AMPD3: variants seen among roughly 807,000 people sequenced by gnomAD.
AMPD3 encodes AMP deaminase 3.
Under a neutral mutation model 82.3 loss-of-function variants are expected in AMPD3, and 57 were observed. That is an observed-to-expected ratio of 0.69 (90% CI 0.56 to 0.86). AMPD3 has a LOEUF of 0.86. Ranked by LOEUF, AMPD3 falls within the 40% of genes least tolerant of loss-of-function variation. The probability of loss-of-function intolerance (pLI) is 0.00; values close to 1 mark genes in which losing one functional copy is unlikely to be tolerated. For missense variants in AMPD3, 870 were observed against 1,003.8 expected (o/e 0.87, Z 1.80); for synonymous variants, 381 against 394.7 (o/e 0.97, Z 0.41).
chr11:10,465,819 GTTTTTTTTTT>G lies in AMPD3; in HGVS notation c.221+4091_221+4100del, dbSNP rs61540424. 2.3e-5 allele frequency among the ~76,000 whole-genome samples: 3 copies of G among 132,118 alleles called. No individual in the cohort carries two copies. The South Asian group carries it at 7.4e-4, about 33-fold the overall frequency. The allele number at this position is 132,118 out of a possible 152,430, so 86.7% of individuals were successfully genotyped here. On this transcript the variant is annotated intron_variant, in intron 2 of 14. Coordinates refer to ENST00000396553, the MANE Select transcript of AMPD3 (RefSeq NM_001025389.2). ...GGCAGACACTGAACTAGCTGCAGGAGTTTTTTTTTTTTTTTTTTTTTCTGTACCCCAGTGG... is the reference window on the plus strand; with the variant it reads ...GGCAGACACTGAACTAGCTGCAGGAGTTTTTTTTTTTCTGTACCCCAGTGG...
Position 10,507,551 on chromosome 11 carries a change from A to G in AMPD3, c.*1667A>G, listed in dbSNP as rs1849741339. 6.5e-6 allele frequency: 1 copy of G among 153,406 alleles called. No individual in the cohort carries two copies. The highest frequency in any genetic ancestry group is 2.1e-4 in the South Asian group (1 of 4,838). 9.5% of individuals were successfully genotyped at this position (153,406 alleles called of 1,614,324 possible). The stretch of plus-strand genomic sequence containing the variant: ...ATCTGTATCAAGTATCTTTTTTTAA[A>G]TTGTTAAATAAAGTCAGCTAGGACT... On this transcript the variant is annotated 3_prime_UTR_variant, in exon 15 of 15. Transcript: ENST00000396553.
Position 10,494,928 on chromosome 11 carries a change from G to A in AMPD3, c.1164G>A (p.Lys388=). 2 of 1,614,222 alleles carry A rather than the reference G, an allele frequency of 1.2e-6. No individual in the cohort carries two copies. The highest frequency in any genetic ancestry group is 1.7e-6 in the Non-Finnish European group (2 of 1,180,040). The change falls in exon 8 of 15, where the codon AAG becomes AAA. Residue 388 remains lysine (K), a synonymous_variant. Coordinates refer to ENST00000396553, the MANE Select transcript of AMPD3 (RefSeq NM_001025389.2). ...GGCAGACATTCCACCGCTTTGACAA[G>A]TTCAACTCCAAATACAACCCTGTGG... The part of the protein sequence containing the change: ...AGRQTFHRFD[K]FNSKYNPVGA...
intron 2 of AMPD3, among the ~76,000 whole-genome samples, chr11:10,462,036 A>G (rs1408896560): frequency 2.0e-5 from 3 of 152,280 alleles, no homozygotes; most frequent in South Asian, 4.1e-4. Context: ...GGAGACAGCA[A>G]TTGTATTTCT....
intron 2 of AMPD3, among the ~76,000 whole-genome samples, chr11:10,469,655 CAT>C (rs746369107): frequency 1.2e-4 from 18 of 152,220 alleles, no homozygotes; most frequent in Non-Finnish European, 2.2e-4. Flanking sequence ...ATTCCAAACT[CAT>C]TTTATGAGGC....
rs16907836 is a variant in AMPD3, at chr11:10,474,664, T to A, written c.222-3862T>A. On this transcript the variant is annotated intron_variant, in intron 2 of 14. Transcript: ENST00000396553. ...GTCTTGTGGGCCTGGTTAGCAAGAATGTCCTTGTGCGTCAAGAGGATAAAT... is the reference window on the plus strand; with the variant it reads ...GTCTTGTGGGCCTGGTTAGCAAGAAAGTCCTTGTGCGTCAAGAGGATAAAT... 8.3e-3 allele frequency among the ~76,000 whole-genome samples: 1,265 copies of A among 152,318 alleles called. 11 individuals are homozygous for A. Among genetic ancestry groups the A allele is most frequent in the African/African-American group, 0.028 (1,184 of 41,566 alleles).
At chr11:10,455,519 ATGGGGG>A in intron 1 of AMPD3, 71 bp downstream of exon 1, 1 of 800,410 alleles carries the variant, frequency 1.2e-6, no homozygotes, top group Non-Finnish European at 1.5e-6. Context: ...GTGTGTGTGG[ATGGGGG>A]TGGGGGTTCT....
chr11:10,503,067 C>T (rs1564858947), intron 13 of AMPD3, among the ~76,000 whole-genome samples, 173 bp downstream of exon 13: 1 of 152,254 alleles, frequency 6.6e-6, no homozygotes, highest in Non-Finnish European at 1.5e-5. Context: ...ATCCAGGAGC[C>T]CTTTCTTTGG....
rs796952267 is a variant in AMPD3 at position 10,469,207 on chromosome 11, GT to G, written c.221+7477del. Among the ~76,000 whole-genome samples the G allele has an allele frequency of 5.4e-3, 798 of 148,136 alleles. 8 individuals carry two copies. The highest frequency in any genetic ancestry group is 0.019 in the African/African-American group (751 of 40,480). On this transcript the variant is annotated intron_variant, in intron 2 of 14. Coordinates refer to ENST00000396553, the MANE Select transcript of AMPD3 (RefSeq NM_001025389.2). Reference sequence around the variant, plus strand: ...CAAAAACTCAATGAATCCAGGAGCTGTTTTTTTTTTGAAAAGATCAATGAAA... The same window carrying G: ...CAAAAACTCAATGAATCCAGGAGCTGTTTTTTTTTGAAAAGATCAATGAAA...
At chr11:10,504,852 C>T (rs996821238) in intron 14 of AMPD3, among the ~76,000 whole-genome samples, 193 bp downstream of exon 14, 9 of 152,216 alleles carry the variant, frequency 5.9e-5, no homozygotes, top group South Asian at 2.1e-4. Flanking sequence ...CAGACCTCTA[C>T]GCCTCCTTGG....
In AMPD3 at chr11:10,507,426, G is replaced by T. The variant is rs1013041475; in HGVS notation, c.*1542G>T. On this transcript the variant is annotated 3_prime_UTR_variant, in exon 15 of 15. Transcript: ENST00000396553. ...CTTACAGCTAATTATGAAATTGAAT[G>T]AAAATCCATTGTTATCTTAGGGATT... The T allele has an allele frequency of 2.0e-5, 3 of 152,150 alleles. No homozygotes were observed. The highest frequency in any genetic ancestry group is 4.4e-5 in the Non-Finnish European group (3 of 68,036). The allele number at this position is 152,150 out of a possible 1,614,324, so 9.4% of individuals were successfully genotyped here.
intron 14 of AMPD3, chr11:10,505,450 C>T (rs1286573850): frequency 4.1e-6 from 4 of 985,188 alleles, no homozygotes; most frequent in Admixed American, 6.1e-5. Context: ...CAGACCTTAT[C>T]TTTCCTCTCT....
intron 1 of AMPD3, among the ~76,000 whole-genome samples, chr11:10,457,144 T>G (rs113787585): frequency 1.5e-4 from 23 of 149,964 alleles, no homozygotes; most frequent in African/African-American, 3.9e-4. Flanking sequence ...CACCTGGCTG[T>G]TTTTTTTTCT....
intron 2 of AMPD3, among the ~76,000 whole-genome samples, chr11:10,471,922 T>A (rs1168884997): frequency 1.3e-5 from 2 of 152,176 alleles, no homozygotes; most frequent in Non-Finnish European, 2.9e-5. Context: ...AGAAATACCA[T>A]TTGACCCAGC....
chr11:10,472,247 A>G (rs751386274), intron 2 of AMPD3, among the ~76,000 whole-genome samples: 3 of 152,134 alleles, frequency 2.0e-5, no homozygotes, highest in Admixed American at 6.5e-5. Flanking sequence ...GAACAATGAG[A>G]ACACATGGAC....
In AMPD3 at chr11:10,493,493, C is replaced by G; in HGVS notation, c.1084C>G (p.Leu362Val). The G allele has an allele frequency of 1.2e-6, 2 of 1,614,208 alleles. No individual in the cohort carries two copies. Among genetic ancestry groups the G allele is most frequent in the Non-Finnish European group, 1.7e-6 (2 of 1,180,030 alleles). ...CACCCTGCGGCAGGTGTTTGACGGCCTGCACATGGACCCCTACGACCTCAC... is the reference window on the plus strand; with the variant it reads ...CACCCTGCGGCAGGTGTTTGACGGCGTGCACATGGACCCCTACGACCTCAC... ...KITLRQVFDG[L>V]HMDPYDLTVD... The change falls in exon 7 of 15, where the codon CTG becomes GTG. Residue 362 changes from leucine to valine, a missense_variant. By Grantham distance (32) the Leu-to-Val change is conservative. Coordinates refer to ENST00000396553, the MANE Select transcript of AMPD3 (RefSeq NM_001025389.2).
chr11:10,492,468 AG>A (rs1259063136), intron 6 of AMPD3, among the ~76,000 whole-genome samples: 3 of 152,066 alleles, frequency 2.0e-5, no homozygotes, highest in Non-Finnish European at 4.4e-5. Context: ...TCCCACTTGG[AG>A]GTTTGCTTTG....
chr11:10,488,096 A>G (rs2133905426), intron 6 of AMPD3: 1 of 451,598 alleles, frequency 2.2e-6, no homozygotes, highest in East Asian at 1.6e-4. Flanking sequence ...AGCCTCTGAT[A>G]TGCTCAGATC....
At chr11:10,473,306 A>G in intron 2 of AMPD3, 3 of 816,374 alleles carry the variant, frequency 3.7e-6, no homozygotes, top group Non-Finnish European at 4.4e-6. Context: ...TTAGGGAGAG[A>G]GATTGTAACA....
chr11:10,484,370 A>G (rs1591467138), intron 4 of AMPD3: 1 of 985,258 alleles, frequency 1.0e-6, no homozygotes, highest in East Asian at 1.1e-4. Flanking sequence ...TGGGCTCGGG[A>G]CAGTTATTCC....
Sources: allele counts gnomAD v4.1 joint callset (sites outside exome capture counted in the v4.1 genomes callset), GRCh38; gene constraint gnomAD v4.1.1; transcripts MANE v1.5; gene names NCBI Gene and HGNC (gene_info 2026-07-23, HGNC 2026-07-21).